NKAIN2: variants seen among roughly 807,000 people sequenced by gnomAD.
NKAIN2 encodes the protein sodium/potassium transporting ATPase interacting 2.
NKAIN2 carries 14 observed loss-of-function variants against 32.6 expected under a neutral mutation model. The ratio of observed to expected loss-of-function variants is 0.43; its 90% CI spans 0.28 to 0.67. NKAIN2 has a LOEUF of 0.67. Ranked by LOEUF, NKAIN2 falls within the 30% of genes least tolerant of loss-of-function variation. The pLI is 0.17. For synonymous variants in NKAIN2, 80 were observed against 87.2 expected, an observed-to-expected ratio of 0.92 and a Z score of 0.46; for missense variants, 198 against 258.3, an observed-to-expected ratio of 0.77 and a Z score of 1.60.
intron 1 of NKAIN2, among the ~76,000 whole-genome samples, chr6:124,164,142 G>A (rs900373119): frequency 1.3e-5 from 2 of 151,996 alleles, no homozygotes; most frequent in Non-Finnish European, 2.9e-5. Context: ...TTGTAAACAA[G>A]ATTTTAGCAA....
chr6:123,894,590 A>T (rs564342373), intron 1 of NKAIN2, among the ~76,000 whole-genome samples: 1 of 152,284 alleles, frequency 6.6e-6, no homozygotes. Context: ...GAAAAAAAGG[A>T]AGAGTGGGCA....
intron 4 of NKAIN2, among the ~76,000 whole-genome samples, chr6:124,708,852 C>T (rs1021323457): frequency 3.5e-5 from 5 of 143,786 alleles, no homozygotes; most frequent in African/African-American, 1.3e-4. Flanking sequence ...CCTAATTGCC[C>T]TGGCCAGAAC....
chr6:124,157,268 TACACACACAC>T (rs869207926), intron 1 of NKAIN2, among the ~76,000 whole-genome samples: 1 of 89,528 alleles, frequency 1.1e-5, no homozygotes, highest in African/African-American at 4.1e-5. Context: ...CACACACACA[TACACACACAC>T]ACACACACAC....
chr6:124,758,931 C>T (rs561643471), intron 4 of NKAIN2, among the ~76,000 whole-genome samples: 52 of 152,268 alleles, frequency 3.4e-4, no homozygotes, highest in African/African-American at 1.2e-3. Flanking sequence ...GGCAGTGTTT[C>T]CAATTTCCTT....
intron 1 of NKAIN2, among the ~76,000 whole-genome samples, chr6:123,844,461 C>T (rs1205914451): frequency 6.6e-6 from 1 of 152,168 alleles, no homozygotes; most frequent in Non-Finnish European, 1.5e-5. Flanking sequence ...CTGACATCCC[C>T]TTTAAATAGC....
intron 3 of NKAIN2, among the ~76,000 whole-genome samples, chr6:124,621,295 A>G (rs535142907): frequency 1.1e-4 from 17 of 152,374 alleles, no homozygotes; most frequent in African/African-American, 4.1e-4. Flanking sequence ...TTCTGGAATT[A>G]TACTAAGTGC....
chr6:124,214,048 A>C (rs115920610), intron 1 of NKAIN2, among the ~76,000 whole-genome samples: 2,586 of 152,284 alleles, frequency 0.017, 77 homozygotes, highest in African/African-American at 0.059. Context: ...TTTCATCTTC[A>C]TTGTTAACAT....
intron 1 of NKAIN2, among the ~76,000 whole-genome samples, chr6:124,114,399 A>G (rs929974993): frequency 2.6e-5 from 4 of 152,108 alleles, no homozygotes; most frequent in African/African-American, 9.7e-5. Context: ...AGGTGGGGGC[A>G]GGAAAAGGAA....
At chr6:124,586,082 C>T (rs1781701489) in intron 3 of NKAIN2, among the ~76,000 whole-genome samples, 2 of 152,150 alleles carry the variant, frequency 1.3e-5, no homozygotes, top group South Asian at 4.1e-4. Flanking sequence ...ATTTCCATCG[C>T]CTGCCCCAAA....
At chr6:123,913,286 A>G (rs1454807528) in intron 1 of NKAIN2, among the ~76,000 whole-genome samples, 1 of 152,186 alleles carries the variant, frequency 6.6e-6, no homozygotes, top group African/African-American at 2.4e-5. Context: ...AAAATCAGCT[A>G]ATTAATTCAA....
intron 1 of NKAIN2, among the ~76,000 whole-genome samples, chr6:124,229,524 A>C (rs1006839970): frequency 4.0e-5 from 6 of 149,584 alleles, no homozygotes; most frequent in African/African-American, 1.3e-4. Flanking sequence ...AGATAGATAG[A>C]TAGATAGATA....
chr6:124,749,516 A>T (rs1375477260), intron 4 of NKAIN2, among the ~76,000 whole-genome samples: 2 of 151,954 alleles, frequency 1.3e-5, no homozygotes, highest in Non-Finnish European at 2.9e-5. Flanking sequence ...ACTTTACATC[A>T]TCCTTGGATA....
intron 1 of NKAIN2, among the ~76,000 whole-genome samples, chr6:123,971,900 A>G (rs977121614): frequency 3.9e-5 from 6 of 152,178 alleles, no homozygotes; most frequent in African/African-American, 1.4e-4. Context: ...GAGTCTGGAC[A>G]AGTAAAATAC....
intron 1 of NKAIN2, among the ~76,000 whole-genome samples, chr6:123,892,497 A>G (rs1774067979): frequency 7.7e-6 from 1 of 129,842 alleles, no homozygotes; most frequent in Non-Finnish European, 1.7e-5. Flanking sequence ...CTATCATGAG[A>G]ACAGCATGGG....
chr6:124,475,882 T>C (rs1583307157), intron 3 of NKAIN2, among the ~76,000 whole-genome samples: 1 of 152,180 alleles, frequency 6.6e-6, no homozygotes, highest in South Asian at 2.1e-4. Flanking sequence ...TAAATAAATC[T>C]TTGAAAAACT....
At chr6:124,256,541 G>T (rs915472896) in intron 1 of NKAIN2, among the ~76,000 whole-genome samples, 1 of 152,174 alleles carries the variant, frequency 6.6e-6, no homozygotes, top group African/African-American at 2.4e-5. Context: ...AAATCTGATA[G>T]TTCTGTCCTA....
intron 1 of NKAIN2, among the ~76,000 whole-genome samples, chr6:123,881,565 A>G (rs747635527): frequency 6.6e-6 from 1 of 152,210 alleles, no homozygotes; most frequent in Admixed American, 6.5e-5. Flanking sequence ...TAGCCAATGG[A>G]TCGCATAGAA....
chr6:124,083,806 A>G (rs1784076406), intron 1 of NKAIN2, among the ~76,000 whole-genome samples: 1 of 151,902 alleles, frequency 6.6e-6, no homozygotes, highest in Non-Finnish European at 1.5e-5. Flanking sequence ...GGTCCCTGCA[A>G]TTTTCATTTG....
intron 1 of NKAIN2, among the ~76,000 whole-genome samples, chr6:124,255,345 A>G (rs755754086): frequency 5.9e-5 from 9 of 152,198 alleles, no homozygotes; most frequent in Non-Finnish European, 1.5e-5. Context: ...TGAATCTTTC[A>G]TATTCTGCTA....
Sources: gnomAD v4.1 joint callset for allele counts (sites outside exome capture counted in the v4.1 genomes callset) on GRCh38, gnomAD v4.1.1 for gene constraint, MANE v1.5 for transcripts, NCBI Gene and HGNC (gene_info 2026-07-23, HGNC 2026-07-21) for gene names.